The following MAPK4 variants were observed in gnomAD, a reference collection of about 807,000 sequenced individuals.
The protein encoded by MAPK4 is mitogen-activated protein kinase 4, also known as Erk3-related.
Under a neutral mutation model 47.7 loss-of-function variants are expected in MAPK4, and 22 were observed. The observed-to-expected ratio is 0.46, with a 90% CI of 0.33 to 0.66. The LOEUF (loss-of-function observed/expected upper bound fraction) is 0.66. MAPK4 is among the 30% of genes least tolerant of loss of function. MAPK4 has a pLI of 0.02. For synonymous variants in MAPK4, 390 were observed against 365.7 expected (o/e 1.07, Z -0.76); for missense variants, 736 against 831.7 (o/e 0.88, Z 1.42).
chr18:50,671,214 C>A (rs1907930704), intron 2 of MAPK4, among the ~76,000 whole-genome samples: 2 of 152,204 alleles, frequency 1.3e-5, no homozygotes, highest in Admixed American at 6.5e-5. Context: ...TCACTCACAT[C>A]ACCTTGGAAA....
At position 50,678,552 on chromosome 18, in the gene MAPK4, C is replaced by T. The variant is rs889426142; in HGVS notation, c.546+14048C>T. 6.6e-6 allele frequency among the ~76,000 whole-genome samples: 1 copy of T among 152,180 alleles called. No individual in the cohort carries two copies. Among genetic ancestry groups the T allele is most frequent in the African/African-American group, 2.4e-5 (1 of 41,448 alleles). On this transcript the variant is annotated intron_variant, in intron 2 of 5. Transcript: ENST00000400384. This position sits in a 1 kb window ranked among gnomAD's most constrained non-coding sequence, Gnocchi z 4.2. The stretch of plus-strand genomic sequence containing the variant: ...CAGAGGTGTTCACTCAAGGGTCCAC[C>T]AGCGACTTCCCTGTTCAGGCACTCA...
chr18:50,648,125 G>GAGAC (rs1370325416), intron 1 of MAPK4, among the ~76,000 whole-genome samples: 1 of 152,034 alleles, frequency 6.6e-6, no homozygotes, highest in Non-Finnish European at 1.5e-5. Flanking sequence ...GAGAGAGAGA[G>GAGAC]AGAGTCCCAT....
intron 2 of MAPK4, among the ~76,000 whole-genome samples, chr18:50,690,778 C>T (rs1170108060): frequency 2.0e-5 from 3 of 152,140 alleles, no homozygotes; most frequent in Non-Finnish European, 4.4e-5. Context: ...CTGAAGTGTA[C>T]TTCTTTAATT....
In MAPK4 at chr18:50,595,238, C is replaced by T. The variant is rs531754537; in HGVS notation, c.-871+34995C>T. Among the ~76,000 whole-genome samples, 79 of 152,258 alleles carry T rather than the reference C, an allele frequency of 5.2e-4. 2 individuals are homozygous for T. The South Asian group carries it at 0.016, about 30-fold the overall frequency. ...ATGCAAACGTGTCCATAAAATGACT[C>T]ATATGAGAATGTTTATAGCAGCTTA... On this transcript the variant is annotated intron_variant, in intron 1 of 5. Coordinates refer to ENST00000400384, the MANE Select transcript of MAPK4 (RefSeq NM_002747.4).
chr18:50,604,142 C>A (rs1454865165), intron 1 of MAPK4, among the ~76,000 whole-genome samples: 3 of 152,146 alleles, frequency 2.0e-5, no homozygotes, highest in Non-Finnish European at 4.4e-5. Context: ...GAAAAAATAG[C>A]CCCATGCCTC....
At chr18:50,715,464 T>G (rs949775110) in intron 3 of MAPK4, among the ~76,000 whole-genome samples, 6 of 152,240 alleles carry the variant, frequency 3.9e-5, no homozygotes, top group Admixed American at 3.9e-4. Context: ...TACTTTGCTA[T>G]GACCTAAATG....
intron 1 of MAPK4, among the ~76,000 whole-genome samples, chr18:50,626,531 C>T (rs536782436): frequency 1.2e-4 from 18 of 152,056 alleles, no homozygotes; most frequent in Non-Finnish European, 2.5e-4. Flanking sequence ...AACCTTTGGC[C>T]CAAGGGTTCA....
intron 1 of MAPK4, among the ~76,000 whole-genome samples, chr18:50,616,758 T>A (rs2042688305): frequency 6.6e-6 from 1 of 152,226 alleles, no homozygotes; most frequent in East Asian, 1.9e-4. Flanking sequence ...GGGAGAAAGA[T>A]GAAGACCAGA....
intron 2 of MAPK4, among the ~76,000 whole-genome samples, chr18:50,710,202 G>A (rs1910273808): frequency 6.6e-6 from 1 of 152,164 alleles, no homozygotes; most frequent in Non-Finnish European, 1.5e-5. Context: ...ACCATACCAG[G>A]CCAGGCACGG....
intron 1 of MAPK4, among the ~76,000 whole-genome samples, chr18:50,593,727 C>A (rs2042458187): frequency 1.3e-5 from 2 of 152,114 alleles, no homozygotes; most frequent in South Asian, 4.1e-4. Context: ...CAAGCTGATT[C>A]TAAAATTTGT....
intron 3 of MAPK4, among the ~76,000 whole-genome samples, chr18:50,717,044 G>A (rs900954155): frequency 1.3e-5 from 2 of 152,062 alleles, no homozygotes; most frequent in African/African-American, 2.4e-5. Context: ...TGGCACCTAC[G>A]TCATGGCCTC....
intron 2 of MAPK4, among the ~76,000 whole-genome samples, chr18:50,710,332 A>T (rs1330593323): frequency 2.0e-5 from 3 of 151,978 alleles, no homozygotes; most frequent in Non-Finnish European, 4.4e-5. Context: ...AAAATACAAA[A>T]ATTAGCCAAG....
chr18:50,637,071 G>A (rs2042895194), intron 1 of MAPK4, among the ~76,000 whole-genome samples: 1 of 151,686 alleles, frequency 6.6e-6, no homozygotes, highest in African/African-American at 2.4e-5. Flanking sequence ...ACACTGGACG[G>A]GAGCTCAGTT....
intron 4 of MAPK4, 108 bp downstream of exon 4, chr18:50,722,207 C>CCTT: frequency 1.6e-6 from 2 of 1,277,128 alleles, no homozygotes; most frequent in Non-Finnish European, 2.1e-6. Flanking sequence ...AAGCATGGTC[C>CCTT]TTGGATATAA....
chr18:50,646,962 A>G (rs965799490), intron 1 of MAPK4, among the ~76,000 whole-genome samples: 2 of 152,068 alleles, frequency 1.3e-5, no homozygotes, highest in Non-Finnish European at 2.9e-5. Flanking sequence ...TTTCCATCAT[A>G]TACTTATCAC....
At chr18:50,646,994 C>A (rs574267870) in intron 1 of MAPK4, among the ~76,000 whole-genome samples, 61 of 152,332 alleles carry the variant, frequency 4.0e-4, no homozygotes, top group Admixed American at 3.9e-3. Flanking sequence ...TCTGCAGTCA[C>A]AATTTTTTGC....
intron 1 of MAPK4, among the ~76,000 whole-genome samples, chr18:50,568,468 T>C (rs1433611189): frequency 6.6e-6 from 1 of 152,222 alleles, no homozygotes; most frequent in African/African-American, 2.4e-5. Context: ...CGTCTCTCCA[T>C]TTATACATGA....
intron 1 of MAPK4, among the ~76,000 whole-genome samples, chr18:50,605,949 ACT>A (rs1048232147): frequency 6.6e-6 from 1 of 151,292 alleles, no homozygotes; most frequent in Non-Finnish European, 1.5e-5. Context: ...ATGAGGGCAG[ACT>A]CTGGCTTGGT....
At chr18:50,693,070 A>G (rs942071135) in intron 2 of MAPK4, among the ~76,000 whole-genome samples, 2 of 152,178 alleles carry the variant, frequency 1.3e-5, no homozygotes, top group Non-Finnish European at 2.9e-5. Flanking sequence ...AGCCTGGCCA[A>G]CATGGTGAAA....
Sources: allele counts gnomAD v4.1 joint callset (sites outside exome capture counted in the v4.1 genomes callset), GRCh38; gene constraint gnomAD v4.1.1; non-coding constraint Gnocchi (gnomAD v3.1); transcripts MANE v1.5; gene names NCBI Gene and HGNC (gene_info 2026-07-23, HGNC 2026-07-21).